The following CSRP2 variants were observed in gnomAD, a reference collection of about 807,000 sequenced individuals.
The protein encoded by CSRP2 is cysteine and glycine-rich protein 2.
CSRP2 carries 18 observed loss-of-function variants against 24.6 expected under a neutral mutation model. The observed-to-expected ratio is 0.73, with a 90% CI of 0.51 to 1.09. The LOEUF (loss-of-function observed/expected upper bound fraction) is 1.09. Ranked by LOEUF, CSRP2 falls within the 50% of genes least tolerant of loss-of-function variation. CSRP2 has a pLI of 0.00. For synonymous variants in CSRP2, 87 were observed against 84.3 expected (o/e 1.03, Z -0.18); for missense variants, 215 against 239.4 (o/e 0.90, Z 0.67).
intron 1 of CSRP2, among the ~76,000 whole-genome samples, chr12:76,868,504 T>C (rs979651264): frequency 1.3e-5 from 2 of 152,232 alleles, no homozygotes; most frequent in Non-Finnish European, 2.9e-5. Flanking sequence ...TGCTTCTCAT[T>C]CACCTTCTGC....
chr12:76,878,718 G>A (rs1401735938), intron 1 of CSRP2, among the ~76,000 whole-genome samples: 1 of 152,262 alleles, frequency 6.6e-6, no homozygotes, highest in Non-Finnish European at 1.5e-5. Flanking sequence ...CGGCCTCGGG[G>A]ACAAGGGCAG....
intron 1 of CSRP2, among the ~76,000 whole-genome samples, chr12:76,871,213 G>C (rs528464098): frequency 2.0e-5 from 3 of 152,258 alleles, no homozygotes; most frequent in Admixed American, 2.0e-4. Context: ...ATATTGTGAA[G>C]GCAAGATAAG....
chr12:76,863,619 C>A (rs572377449), intron 2 of CSRP2: 3 of 319,436 alleles, frequency 9.4e-6, no homozygotes, highest in South Asian at 2.3e-4. Context: ...TAGTTTGTTT[C>A]GTTTATTTTT....
At position 76,863,307 on chromosome 12, in the gene CSRP2, T is replaced by C. The variant is rs771854428; in HGVS notation, c.150A>G (p.Ala50=). Residue 50 remains alanine (A), a synonymous_variant, in exon 3 of 6, where the codon GCA becomes GCG. Transcript: ENST00000311083. ...TGCAGTAGATCTCTTCATCGTGAAT[T>C]GCCACTGTTGTGCTATCTAAATTTT... The part of the protein sequence containing the change: ...CRKNLDSTTV[A]IHDEEIYCKS... The C allele has an allele frequency of 6.8e-6, 11 of 1,614,108 alleles. No individual in the cohort carries two copies. Among genetic ancestry groups the C allele is most frequent in the Non-Finnish European group, 8.5e-6 (10 of 1,180,044 alleles).
chr12:76,866,319 G>A (rs1271941698), intron 1 of CSRP2, 58 bp from the exon 2 acceptor site: 3 of 1,389,536 alleles, frequency 2.2e-6, no homozygotes, highest in African/African-American at 1.4e-5. Context: ...GCTCCCTAGA[G>A]GGCTATTTAA....
intron 3 of CSRP2, chr12:76,862,544 AAAG>A (rs1354541796): frequency 3.0e-4 from 90 of 301,506 alleles, no homozygotes; most frequent in African/African-American, 1.8e-3. Context: ...CTGTGACAAA[AAAG>A]AAAAAAAAAA....
intron 1 of CSRP2, among the ~76,000 whole-genome samples, chr12:76,866,534 C>T (rs1245140007): frequency 6.6e-6 from 1 of 151,968 alleles, no homozygotes; most frequent in African/African-American, 2.4e-5. Context: ...GGTCACCAGG[C>T]ACAAAACAAG....
rs1239009447 is a variant in CSRP2 at position 76,859,537 on chromosome 12, T to C, written c.505+10A>G. On this transcript the variant is annotated intron_variant, in intron 5 of 5. Coordinates refer to ENST00000311083, the MANE Select transcript of CSRP2 (RefSeq NM_001321.3). ...TTCATATGGACAGCAGTAACTGAAA[T>C]GAATTTTACCTTTACAATAGATTTC... 1 of 1,592,606 alleles carries C rather than the reference T, an allele frequency of 6.3e-7. No homozygotes were observed. The highest frequency in any genetic ancestry group is 8.6e-7 in the Non-Finnish European group (1 of 1,161,344).
At position 76,860,514 on chromosome 12, in the gene CSRP2, T is replaced by C. The variant is rs148553046; in HGVS notation, c.282-101A>G. 4,505 of 1,397,414 alleles carry C rather than the reference T, an allele frequency of 3.2e-3. 10 individuals are homozygous for C. The highest frequency in any genetic ancestry group is 3.9e-3 in the Middle Eastern group (21 of 5,394). 86.6% of individuals were successfully genotyped at this position (1,397,414 alleles called of 1,614,324 possible). On this transcript the variant is annotated intron_variant, in intron 3 of 5. Transcript: ENST00000311083. ...GAACTCTGGGACTTAACCGCTACACTGCCTCAAAGCTGGAAGCCTTTGCAG... is the reference window on the plus strand; with the variant it reads ...GAACTCTGGGACTTAACCGCTACACCGCCTCAAAGCTGGAAGCCTTTGCAG...
chr12:76,859,148 T>C, intron 5 of CSRP2, 120 bp from the exon 6 acceptor site: 2 of 756,074 alleles, frequency 2.6e-6, no homozygotes, highest in Non-Finnish European at 2.3e-6. Context: ...GCTCAACTTA[T>C]TTAAGATGTT....
At chr12:76,866,079 C>A in intron 2 of CSRP2, 70 bp downstream of exon 2, 1 of 1,178,474 alleles carries the variant, frequency 8.5e-7, no homozygotes, top group Non-Finnish European at 1.2e-6. Context: ...CACAATTTTT[C>A]CTTAAATAGA....
chr12:76,860,248 G>C, intron 4 of CSRP2, 36 bp downstream of exon 4: 1 of 1,602,466 alleles, frequency 6.2e-7, no homozygotes, highest in Non-Finnish European at 8.5e-7. Flanking sequence ...GCAGAGAGAA[G>C]TCATTTGCTG....
intron 1 of CSRP2, among the ~76,000 whole-genome samples, chr12:76,868,204 T>A (rs1323175427): frequency 6.6e-6 from 1 of 152,160 alleles, no homozygotes; most frequent in African/African-American, 2.4e-5. Flanking sequence ...AGAAGATCAG[T>A]GAACTCATCC....
chr12:76,874,010 T>A (rs1423195132), intron 1 of CSRP2, among the ~76,000 whole-genome samples: 1 of 152,190 alleles, frequency 6.6e-6, no homozygotes, highest in Non-Finnish European at 1.5e-5. Context: ...AAATGGGTCA[T>A]AAGGAAAGGC....
At position 76,863,205 on chromosome 12, in the gene CSRP2, A is replaced by G. The variant is rs768716637; in HGVS notation, c.252T>C (p.Arg84=). The G allele has an allele frequency of 3.1e-6, 5 of 1,613,866 alleles. No homozygotes were observed. The highest frequency in any genetic ancestry group is 2.2e-5 in the South Asian group (2 of 91,060). Residue 84 remains arginine, a synonymous_variant, in exon 3 of 6, where the codon CGT becomes CGC. Coordinates refer to ENST00000311083, the MANE Select transcript of CSRP2 (RefSeq NM_001321.3). The part of the protein sequence containing the change: ...GQGAGTLNMD[R]GERLGIKPES... ...CTGGTTTGATGCCCAGCCTCTCGCC[A>G]CGGTCCATGTTAAGCGTGCCAGCGC... is the stretch of plus-strand genomic sequence containing the variant.
chr12:76,871,658 G>A (rs1953800474), intron 1 of CSRP2, among the ~76,000 whole-genome samples: 1 of 151,978 alleles, frequency 6.6e-6, no homozygotes, highest in Admixed American at 6.6e-5. Context: ...CAGCTACTCG[G>A]GAGGCTGAGG....
intron 1 of CSRP2, among the ~76,000 whole-genome samples, chr12:76,870,192 T>G (rs1953783037): frequency 6.6e-6 from 1 of 152,206 alleles, no homozygotes; most frequent in Non-Finnish European, 1.5e-5. Context: ...TCACACATAT[T>G]TACTTTGGAG....
At chr12:76,876,203 T>TTA (rs372386082) in intron 1 of CSRP2, among the ~76,000 whole-genome samples, 192 of 152,326 alleles carry the variant, frequency 1.3e-3, no homozygotes, top group African/African-American at 4.4e-3. Context: ...CCCTAATGTA[T>TTA]TACATGGTGT....
chr12:76,866,304 G>A (rs762547143), intron 1 of CSRP2, 43 bp from the exon 2 acceptor site: 21 of 1,514,538 alleles, frequency 1.4e-5, no homozygotes, highest in African/African-American at 8.2e-5. Flanking sequence ...TGTGCTGGTC[G>A]TACGGCTCCC....
Sources: allele counts gnomAD v4.1 joint callset (sites outside exome capture counted in the v4.1 genomes callset), GRCh38; gene constraint gnomAD v4.1.1; transcripts MANE v1.5; gene names NCBI Gene and HGNC (gene_info 2026-07-23, HGNC 2026-07-21).